Variants in C2orf78 observed in about 807,000 individuals in gnomAD.
C2orf78 encodes chromosome 2 open reading frame 78.
In C2orf78, 12 loss-of-function variants were observed where a neutral mutation model predicts 21.4. That is an observed-to-expected ratio of 0.56 (90% confidence interval 0.36 to 0.91). The LOEUF (loss-of-function observed/expected upper bound fraction) is 0.91. C2orf78 is among the 40% of genes least tolerant of loss of function. The pLI, the probability that C2orf78 is intolerant of heterozygous loss-of-function variation, is 0.01. For missense variants in C2orf78, 1,042 were observed against 1,092.4 expected, an observed-to-expected ratio of 0.95 and a Z score of 0.65; for synonymous variants, 396 against 413.9, an observed-to-expected ratio of 0.96 and a Z score of 0.52.
exon 3 of C2orf78, chr2:73,816,453 C>T (rs368168109): frequency 1.5e-5 from 25 of 1,613,848 alleles, no homozygotes; most frequent in African/African-American, 1.2e-4. Flanking sequence ...TCTAGCCTCA[C>T]GTAGGCCTGC....
exon 3 of C2orf78, chr2:73,816,402 G>C: frequency 1.2e-6 from 2 of 1,613,780 alleles, no homozygotes; most frequent in African/African-American, 2.7e-5. Context: ...TCTGACCCTG[G>C]ACCAACCTCA....
rs1422520760 is a variant in C2orf78, at chr2:73,810,822, ATAC to A, written c.98-2654_98-2652del. 4.3e-4 allele frequency among the ~76,000 whole-genome samples: 58 copies of A among 134,114 alleles called. No individual in the cohort carries two copies. In the South Asian group the frequency reaches 0.012, roughly 29 times the overall value. 88.0% of individuals were successfully genotyped at this position (134,114 alleles called of 152,430 possible). A position where few individuals can be genotyped will look rare whatever the true frequency, so the allele number is the denominator to read the frequency against. On this transcript the variant is annotated intron_variant, in intron 1 of 2. Transcript: ENST00000409561. ...TATATAATATACATGTATAATTAAT[ATAC>A]ATGTATGTTATATATATTACATGTA...
chr2:73,814,759 G>A (rs893649635), intron 2 of C2orf78, among the ~76,000 whole-genome samples: 6 of 152,178 alleles, frequency 3.9e-5, no homozygotes, highest in African/African-American at 1.4e-4. Context: ...TCAGGAGAGT[G>A]GAGAGAATTG....
chr2:73,811,305 G>GAA (rs1673084438), intron 1 of C2orf78, among the ~76,000 whole-genome samples: 1 of 151,918 alleles, frequency 6.6e-6, no homozygotes, highest in Non-Finnish European at 1.5e-5. Flanking sequence ...GAAAAGAAAA[G>GAA]AAATGTTGCT....
chr2:73,809,976 C>T (rs922622005), intron 1 of C2orf78, among the ~76,000 whole-genome samples: 19 of 150,668 alleles, frequency 1.3e-4, no homozygotes, highest in East Asian at 3.9e-4. Context: ...TGGAGAATGA[C>T]GAAATGATTT....
intron 1 of C2orf78, among the ~76,000 whole-genome samples, chr2:73,807,858 A>G (rs1672986571): frequency 6.7e-6 from 1 of 149,578 alleles, no homozygotes; most frequent in South Asian, 2.1e-4. Context: ...AGAAACTAAA[A>G]GAGAAGAGCC....
chr2:73,816,792 T>C (rs1348295476), exon 3 of C2orf78: 18 of 1,613,970 alleles, frequency 1.1e-5, no homozygotes, highest in Non-Finnish European at 1.4e-5. Context: ...ACCCCGTCCA[T>C]GGAGGAAACC....
chr2:73,792,579 T>G (rs1459998321), intron 1 of C2orf78, among the ~76,000 whole-genome samples: 1 of 129,302 alleles, frequency 7.7e-6, no homozygotes. Flanking sequence ...ATAAATCTCT[T>G]TTTTCCTGTA....
chr2:73,813,618 T>C (rs1558542122), exon 2 of C2orf78: 3 of 1,614,052 alleles, frequency 1.9e-6, no homozygotes, highest in Non-Finnish European at 2.5e-6. Context: ...TCAGCATGGC[T>C]ACAGCCATCA....
chr2:73,786,122 G>C (rs1452194225), intron 1 of C2orf78, among the ~76,000 whole-genome samples: 1 of 152,024 alleles, frequency 6.6e-6, no homozygotes, highest in African/African-American at 2.4e-5. Context: ...GCTCACACCT[G>C]TAATCACAGC....
At chr2:73,808,222 C>G (rs1672998796) in intron 1 of C2orf78, among the ~76,000 whole-genome samples, 1 of 150,942 alleles carries the variant, frequency 6.6e-6, no homozygotes, top group Non-Finnish European at 1.5e-5. Flanking sequence ...CCACTGCACT[C>G]CAGCCTGGGT....
At chr2:73,814,996 T>A in intron 2 of C2orf78, 75 bp from the exon 3 acceptor site, 1 of 1,423,384 alleles carries the variant, frequency 7.0e-7, no homozygotes, top group East Asian at 2.3e-5. Context: ...TGGAAAGGTA[T>A]CCGATTGCTG....
chr2:73,808,007 G>T lies in C2orf78; in HGVS notation c.98-5470G>T, dbSNP rs541025527. Among the ~76,000 whole-genome samples, 35 of 151,242 alleles carry T rather than the reference G, an allele frequency of 2.3e-4. 2 individuals are homozygous for T. Among genetic ancestry groups the T allele is most frequent in the African/African-American group, 8.6e-4 (35 of 40,668 alleles). ...GCGGTGGCTCCCGCCTGTAATCCCAGCACTTTGGGAGGCTGAGGCGAGCAG... is the reference window on the plus strand; with the variant it reads ...GCGGTGGCTCCCGCCTGTAATCCCATCACTTTGGGAGGCTGAGGCGAGCAG... On this transcript the variant is annotated intron_variant, in intron 1 of 2. Coordinates refer to ENST00000409561, the Ensembl canonical transcript of C2orf78.
At chr2:73,815,615 C>T (rs781512684) in exon 3 of C2orf78, 67 of 1,613,900 alleles carry the variant, frequency 4.2e-5, no homozygotes, top group East Asian at 4.5e-5. Flanking sequence ...AAGATCTTGA[C>T]CAACCTGAAA....
At chr2:73,786,245 T>C (rs1672931147) in intron 1 of C2orf78, among the ~76,000 whole-genome samples, 1 of 151,550 alleles carries the variant, frequency 6.6e-6, no homozygotes, top group South Asian at 2.1e-4. Context: ...CTGGGTGTGG[T>C]GGCGTGCACC....
chr2:73,813,305 A>G (rs1038147962), intron 1 of C2orf78, among the ~76,000 whole-genome samples, 172 bp from the exon 2 acceptor site: 2 of 152,240 alleles, frequency 1.3e-5, no homozygotes, highest in Non-Finnish European at 2.9e-5. Context: ...GAAGAGGACC[A>G]AACTGCTTCA....
chr2:73,815,848 C>T, exon 3 of C2orf78: 1 of 1,613,734 alleles, frequency 6.2e-7, no homozygotes, highest in Non-Finnish European at 8.5e-7. Context: ...AGTAACAGCG[C>T]TTCTGTGAAC....
chr2:73,814,997 C>A, intron 2 of C2orf78, 74 bp from the exon 3 acceptor site: 23 of 1,426,522 alleles, frequency 1.6e-5, no homozygotes, highest in Non-Finnish European at 2.2e-5. Context: ...GGAAAGGTAT[C>A]CGATTGCTGC....
In C2orf78 at chr2:73,806,979, G is replaced by C. The variant is rs192725577; in HGVS notation, c.98-6498G>C. Among the ~76,000 whole-genome samples, 229 of 140,248 alleles carry C rather than the reference G, an allele frequency of 1.6e-3. 31 individuals are homozygous for C. Among genetic ancestry groups the C allele is most frequent in the African/African-American group, 6.7e-3 (221 of 32,792 alleles). The allele number at this position is 140,248 out of a possible 152,430, so 92.0% of individuals were successfully genotyped here. A position where few individuals can be genotyped will look rare whatever the true frequency, so the allele number is the denominator to read the frequency against. ...AGGTGGGCAGATCCCAAGGTCAGGA[G>C]ACCATCCTCGCTGACACGGTGAAAC... On this transcript the variant is annotated intron_variant, in intron 1 of 2. Transcript: ENST00000409561.
Sources: allele counts gnomAD v4.1 joint callset (sites outside exome capture counted in the v4.1 genomes callset), GRCh38; gene constraint gnomAD v4.1.1; transcripts MANE v1.5; gene names NCBI Gene and HGNC (gene_info 2026-07-23, HGNC 2026-07-21).